CDK14: variants seen among roughly 807,000 people sequenced by gnomAD.
CDK14 encodes cyclin-dependent kinase 14.
CDK14 carries 34 observed loss-of-function variants against 60.7 expected under a neutral mutation model. The ratio of observed to expected loss-of-function variants is 0.56; its 90% CI spans 0.43 to 0.75. The LOEUF is 0.75. Among genes scored for constraint, CDK14 ranks in the 30% least tolerant of loss-of-function variants. The pLI is 0.00. For missense variants in CDK14, 482 were observed against 564.1 expected (o/e 0.85, Z 1.47); for synonymous variants, 197 against 203.7 (o/e 0.97, Z 0.28).
chr7:91,105,113 G>GA (rs1799249529), intron 12 of CDK14, among the ~76,000 whole-genome samples: 1 of 152,110 alleles, frequency 6.6e-6, no homozygotes, highest in African/African-American at 2.4e-5. Context: ...GAACCAAGAA[G>GA]AAAATAAGTA....
intron 10 of CDK14, among the ~76,000 whole-genome samples, chr7:90,995,399 G>C (rs1215410638): frequency 6.6e-6 from 1 of 152,156 alleles, no homozygotes; most frequent in Non-Finnish European, 1.5e-5. Context: ...GCCCCCTCAT[G>C]AAAGACTGAG....
intron 10 of CDK14, 25 bp from the exon 11 acceptor site, chr7:91,045,872 T>C (rs1478839331): frequency 2.0e-6 from 3 of 1,525,196 alleles, no homozygotes; most frequent in East Asian, 4.5e-5. Flanking sequence ...TAAGGCTGTT[T>C]CCACAATCTC....
At chr7:91,164,938 G>A (rs1801300262) in intron 14 of CDK14, among the ~76,000 whole-genome samples, 1 of 152,150 alleles carries the variant, frequency 6.6e-6, no homozygotes, top group South Asian at 2.1e-4. Flanking sequence ...AGAGGAAACA[G>A]ACACTAACTT....
chr7:90,672,173 A>G (rs969578995), intron 2 of CDK14, among the ~76,000 whole-genome samples: 1 of 152,196 alleles, frequency 6.6e-6, no homozygotes, highest in African/African-American at 2.4e-5. Flanking sequence ...TTATTGATAT[A>G]TAATTCATAT....
chr7:90,807,147 C>G (rs1788879842), intron 5 of CDK14, among the ~76,000 whole-genome samples: 1 of 152,222 alleles, frequency 6.6e-6, no homozygotes, highest in African/African-American at 2.4e-5. Context: ...AGCTGGAGAT[C>G]TGAGAATGGA....
intron 1 of CDK14, among the ~76,000 whole-genome samples, chr7:90,600,016 A>C (rs1317412771): frequency 6.6e-6 from 1 of 152,212 alleles, no homozygotes; most frequent in African/African-American, 2.4e-5. Flanking sequence ...AGCTGAGCTG[A>C]GATTACTATA....
At chr7:90,668,189 CTGTT>C (rs761034585) in intron 2 of CDK14, among the ~76,000 whole-genome samples, 1 of 152,116 alleles carries the variant, frequency 6.6e-6, no homozygotes, top group Non-Finnish European at 1.5e-5. Context: ...TACCTGTTGT[CTGTT>C]TGATTTTGGC....
chr7:90,713,156 T>C (rs927135232), intron 2 of CDK14, among the ~76,000 whole-genome samples: 2 of 152,012 alleles, frequency 1.3e-5, no homozygotes. Flanking sequence ...CAGCTTTCTG[T>C]TTCTCAGATT....
chr7:90,822,799 G>T (rs917770175), intron 5 of CDK14, among the ~76,000 whole-genome samples: 1 of 152,174 alleles, frequency 6.6e-6, no homozygotes, highest in African/African-American at 2.4e-5. Context: ...AATCAGTATT[G>T]TAGTAACTCG....
rs1347104768 is a variant in CDK14, at chr7:90,678,854, A to G, written c.124-47713A>G. Among the ~76,000 whole-genome samples the G allele has an allele frequency of 2.6e-5, 4 of 152,364 alleles. No individual in the cohort carries two copies. In the East Asian group the frequency reaches 5.8e-4, roughly 22 times the overall value. On this transcript the variant is annotated intron_variant, in intron 2 of 14. Coordinates refer to ENST00000380050, the MANE Select transcript of CDK14 (RefSeq NM_001287135.2). ...GATCACATACTTCTGTATTTGAGAT[A>G]AGAAGAACAAGAGAATAATTATCCA...
chr7:91,008,132 AAAAAAAAAAAAAACAAAC>A (rs1796034190), intron 10 of CDK14, among the ~76,000 whole-genome samples: 2 of 140,352 alleles, frequency 1.4e-5, no homozygotes, highest in Non-Finnish European at 3.1e-5. Flanking sequence ...AAGGCCAAAA[AAAAAAAAAAAAAACAAAC>A]AAAAAAAAAC....
At chr7:91,127,034 C>G (rs1226443547) in intron 14 of CDK14, among the ~76,000 whole-genome samples, 1 of 152,042 alleles carries the variant, frequency 6.6e-6, no homozygotes, top group Non-Finnish European at 1.5e-5. Flanking sequence ...GGGGGTGCCA[C>G]CTGGAACAGA....
At chr7:90,664,322 CACTTTT>C (rs1389830081) in intron 2 of CDK14, among the ~76,000 whole-genome samples, 1 of 152,132 alleles carries the variant, frequency 6.6e-6, no homozygotes, top group Non-Finnish European at 1.5e-5. Context: ...GAAATAGGAA[CACTTTT>C]ACACTGTTGG....
intron 4 of CDK14, among the ~76,000 whole-genome samples, chr7:90,785,119 T>A (rs1005101020): frequency 2.0e-5 from 3 of 150,022 alleles, no homozygotes; most frequent in African/African-American, 7.2e-5. Context: ...GCAGTTTCTC[T>A]TGAGACAAAA....
At chr7:90,645,912 A>G (rs1800454910) in intron 2 of CDK14, among the ~76,000 whole-genome samples, 1 of 152,198 alleles carries the variant, frequency 6.6e-6, no homozygotes, top group Non-Finnish European at 1.5e-5. Context: ...ATTTCTTTTA[A>G]GCAGATCACT....
chr7:91,059,395 T>C (rs1797703826), intron 11 of CDK14, among the ~76,000 whole-genome samples: 1 of 152,198 alleles, frequency 6.6e-6, no homozygotes, highest in Non-Finnish European at 1.5e-5. Flanking sequence ...TTTTTGTGTC[T>C]CTATTTCCTT....
Position 90,937,631 on chromosome 7 carries a change from CTT to C in CDK14, c.827-18062_827-18061del, listed in dbSNP as rs531023257. Among the ~76,000 whole-genome samples the C allele has an allele frequency of 3.9e-5, 6 of 152,208 alleles. No homozygotes were observed. In the South Asian group the frequency reaches 1.2e-3, roughly 32 times the overall value. The stretch of plus-strand genomic sequence containing the variant: ...ATATTCTAGACCAGAGGTTGGTAAA[CTT>C]TTTCTGTAAAGAGCTAGATAATAAA... On this transcript the variant is annotated intron_variant, in intron 8 of 14. Transcript: ENST00000380050.
intron 2 of CDK14, among the ~76,000 whole-genome samples, chr7:90,669,378 C>G (rs1361171143): frequency 6.6e-6 from 1 of 152,252 alleles, no homozygotes; most frequent in East Asian, 1.9e-4. Flanking sequence ...ACAGACTGAC[C>G]TTGCTCAAGG....
intron 8 of CDK14, among the ~76,000 whole-genome samples, chr7:90,930,041 A>C (rs910448917): frequency 9.2e-5 from 14 of 152,212 alleles, no homozygotes; most frequent in African/African-American, 3.4e-4. Flanking sequence ...GCTCTGTTCA[A>C]CAGTAAAATT....
Sources: allele counts gnomAD v4.1 joint callset (sites outside exome capture counted in the v4.1 genomes callset), GRCh38; gene constraint gnomAD v4.1.1; transcripts MANE v1.5; gene names NCBI Gene and HGNC (gene_info 2026-07-23, HGNC 2026-07-21).